BICD1: variants seen among roughly 807,000 people sequenced by gnomAD.
The protein encoded by BICD1 is BICD cargo adaptor 1.
In BICD1, 35 loss-of-function variants were observed where a neutral mutation model predicts 92.5. That is an observed-to-expected ratio of 0.38 (90% CI 0.29 to 0.50). The LOEUF is 0.50. Among genes scored for constraint, BICD1 ranks in the 20% least tolerant of loss-of-function variants. The pLI, the probability that BICD1 is intolerant of heterozygous loss-of-function variation, is 0.93. For synonymous variants in BICD1, 429 were observed against 465.1 expected (o/e 0.92, Z 1.00); for missense variants, 950 against 1,189.8 (o/e 0.80, Z 2.97).
At chr12:32,304,648 C>T (rs942545612) in intron 3 of BICD1, among the ~76,000 whole-genome samples, 1 of 152,192 alleles carries the variant, frequency 6.6e-6, no homozygotes, top group Admixed American at 6.5e-5. Context: ...ACATCCCTGT[C>T]ACCCGTGGGC....
At chr12:32,376,627 G>A (rs1939977213) in intron 9 of BICD1, among the ~76,000 whole-genome samples, 1 of 151,944 alleles carries the variant, frequency 6.6e-6, no homozygotes, top group South Asian at 2.1e-4. Flanking sequence ...CAACACTTGG[G>A]GAGGCCGAGG....
intron 2 of BICD1, among the ~76,000 whole-genome samples, chr12:32,274,762 TG>T (rs1458220536): frequency 2.6e-5 from 4 of 152,224 alleles, no homozygotes; most frequent in African/African-American, 9.6e-5. Flanking sequence ...CAAAGCATAG[TG>T]GTTAAGAACA....
At chr12:32,282,780 C>A (rs1330583308) in intron 2 of BICD1, among the ~76,000 whole-genome samples, 1 of 152,000 alleles carries the variant, frequency 6.6e-6, no homozygotes, top group Non-Finnish European at 1.5e-5. Context: ...GAAAGTGTTT[C>A]CAAAAGCAAC....
intron 2 of BICD1, among the ~76,000 whole-genome samples, chr12:32,289,395 G>A (rs1170411128): frequency 6.6e-6 from 1 of 151,710 alleles, no homozygotes; most frequent in African/African-American, 2.4e-5. Context: ...TTGTTTGTGT[G>A]TTTGTTTGTT....
chr12:32,374,633 T>C (rs1261421962), intron 9 of BICD1, among the ~76,000 whole-genome samples: 2 of 148,780 alleles, frequency 1.3e-5, no homozygotes, highest in Non-Finnish European at 3.0e-5. Flanking sequence ...AATGGCGTGA[T>C]CTCAGCTCAC....
At chr12:32,123,022 T>G (rs1942208731) in intron 1 of BICD1, among the ~76,000 whole-genome samples, 1 of 152,202 alleles carries the variant, frequency 6.6e-6, no homozygotes, top group South Asian at 2.1e-4. Flanking sequence ...AAGGTCCATA[T>G]TTGCGGAGCC....
intron 2 of BICD1, among the ~76,000 whole-genome samples, chr12:32,225,607 A>T (rs1234369389): frequency 5.5e-5 from 5 of 90,658 alleles, no homozygotes; most frequent in African/African-American, 7.6e-5. Flanking sequence ...GGTATTTGAC[A>T]GTTCTTTTTT....
intron 1 of BICD1, among the ~76,000 whole-genome samples, chr12:32,147,936 T>G (rs1056492007): frequency 1.3e-5 from 2 of 151,478 alleles, no homozygotes; most frequent in Non-Finnish European, 2.9e-5. Context: ...CCTAGGTGTT[T>G]GAGGCCAGCC....
At chr12:32,143,507 T>A (rs1943014000) in intron 1 of BICD1, among the ~76,000 whole-genome samples, 2 of 152,206 alleles carry the variant, frequency 1.3e-5, no homozygotes, top group Non-Finnish European at 2.9e-5. Context: ...ACAGTGCTAG[T>A]TATTTCATTT....
intron 3 of BICD1, among the ~76,000 whole-genome samples, chr12:32,301,070 C>T (rs1948031935): frequency 6.6e-6 from 1 of 152,128 alleles, no homozygotes; most frequent in Non-Finnish European, 1.5e-5. Flanking sequence ...CCTTGCTTCT[C>T]CTTTCATAAG....
chr12:32,245,309 C>T (rs577860881), intron 2 of BICD1, among the ~76,000 whole-genome samples: 7 of 150,154 alleles, frequency 4.7e-5, no homozygotes, highest in Admixed American at 1.3e-4. Flanking sequence ...TGCAGTGGCG[C>T]GATCTCAGCT....
chr12:32,152,790 G>A (rs1943326512), intron 1 of BICD1, among the ~76,000 whole-genome samples: 1 of 152,098 alleles, frequency 6.6e-6, no homozygotes, highest in African/African-American at 2.4e-5. Flanking sequence ...TACTTAATAT[G>A]ATAATAATAT....
chr12:32,158,232 A>G (rs1943501177), intron 1 of BICD1, among the ~76,000 whole-genome samples: 1 of 150,650 alleles, frequency 6.6e-6, no homozygotes, highest in Admixed American at 6.7e-5. Flanking sequence ...CAGCCTCCTG[A>G]GTAGCTGGGA....
intron 8 of BICD1, among the ~76,000 whole-genome samples, chr12:32,343,759 T>C (rs1323883155): frequency 6.6e-6 from 1 of 152,236 alleles, no homozygotes; most frequent in Admixed American, 6.5e-5. Flanking sequence ...TTCTGTGATA[T>C]TTTGCTTTTT....
intron 1 of BICD1, among the ~76,000 whole-genome samples, chr12:32,177,187 C>T (rs1944115136): frequency 6.6e-6 from 1 of 151,508 alleles, no homozygotes; most frequent in Non-Finnish European, 1.5e-5. Context: ...TGGTGGTGCG[C>T]ACCTGTAATC....
chr12:32,321,379 A>G (rs1486012123), intron 4 of BICD1, among the ~76,000 whole-genome samples: 2 of 152,110 alleles, frequency 1.3e-5, no homozygotes, highest in Non-Finnish European at 2.9e-5. Context: ...AATAATTTCT[A>G]TGGGATATAG....
chr12:32,222,516 C>T (rs779283215), intron 2 of BICD1, among the ~76,000 whole-genome samples: 23 of 152,216 alleles, frequency 1.5e-4, no homozygotes. Context: ...CTCAGGAACA[C>T]TGGCTCTGAT....
chr12:32,308,149 T>G (rs1352494735), intron 4 of BICD1, among the ~76,000 whole-genome samples: 1 of 152,230 alleles, frequency 6.6e-6, no homozygotes, highest in Non-Finnish European at 1.5e-5. Flanking sequence ...GGAAAACAAG[T>G]AAGTACTCAG....
At chr12:32,110,998 AAG>A (rs907334781) in intron 1 of BICD1, among the ~76,000 whole-genome samples, 42 of 152,296 alleles carry the variant, frequency 2.8e-4, no homozygotes, top group Admixed American at 5.2e-4. Context: ...AATAAAAAAA[AAG>A]AGTTTTTTTT....
Sources: allele counts gnomAD v4.1 joint callset (sites outside exome capture counted in the v4.1 genomes callset), GRCh38; gene constraint gnomAD v4.1.1; transcripts MANE v1.5; gene names NCBI Gene and HGNC (gene_info 2026-07-23, HGNC 2026-07-21).